Variants in WDR35 observed in about 807,000 individuals in gnomAD.
WDR35 encodes the protein WD repeat-containing protein 35.
In WDR35, 118 loss-of-function variants were observed where a neutral mutation model predicts 158.3. That is an observed-to-expected ratio of 0.75 (90% confidence interval 0.64 to 0.87). The LOEUF is 0.87. WDR35 is among the 40% of genes least tolerant of loss of function. WDR35 has a pLI of 0.00. For missense variants in WDR35, 1,263 were observed against 1,405.8 expected (o/e 0.90, Z 1.62); for synonymous variants, 448 against 476.1 (o/e 0.94, Z 0.77).
chr2:19,922,651 G>A (rs542311536), intron 25 of WDR35, among the ~76,000 whole-genome samples: 5 of 152,168 alleles, frequency 3.3e-5, no homozygotes, highest in East Asian at 1.9e-4. Context: ...AACCACCAAC[G>A]CATGTGTATA....
chr2:19,920,713 T>C (rs994068063), intron 25 of WDR35, among the ~76,000 whole-genome samples: 3 of 152,152 alleles, frequency 2.0e-5, no homozygotes, highest in African/African-American at 7.2e-5. Flanking sequence ...CAACACAGTA[T>C]TGGAAGTTCT....
chr2:19,926,050 A>G (rs1043198108), intron 25 of WDR35, among the ~76,000 whole-genome samples: 1 of 152,186 alleles, frequency 6.6e-6, no homozygotes, highest in Non-Finnish European at 1.5e-5. Context: ...TAGCTCCAAC[A>G]TTTTCCCCTT....
chr2:19,978,530 C>T (rs1672280952), intron 5 of WDR35, among the ~76,000 whole-genome samples: 2 of 151,918 alleles, frequency 1.3e-5, no homozygotes, highest in Admixed American at 1.3e-4. Flanking sequence ...TTTTTCAATG[C>T]CACTGTAGGA....
rs755845768 is a variant in WDR35 at position 19,975,538 on chromosome 2, T to G, written c.562A>C (p.Asn188His). 3 of 1,613,002 alleles carry G rather than the reference T, an allele frequency of 1.9e-6. No individual in the cohort carries two copies. Among genetic ancestry groups the G allele is most frequent in the Non-Finnish European group, 1.7e-6 (2 of 1,179,346 alleles). Residue 188 changes from asparagine (N) to histidine (H), a missense_variant, in exon 6 of 27, where the codon AAT (asparagine) becomes CAT (histidine). Transcript: ENST00000281405. ...GEIHIYDNQG[N>H]FMIKMKLSCL... ...TGCATACACTTACTTACCATAAAAT[T>G]TCCTTGATTATCGTAAATGTGTATT...
chr2:19,968,228 T>C (rs567104327), intron 9 of WDR35, among the ~76,000 whole-genome samples: 2 of 152,350 alleles, frequency 1.3e-5, no homozygotes, highest in African/African-American at 2.4e-5. Context: ...CCTAATGATG[T>C]TAACCTTTAT....
chr2:19,978,195 G>GAC (rs3039208), intron 5 of WDR35, among the ~76,000 whole-genome samples: 4,272 of 146,770 alleles, frequency 0.029, 130 homozygotes, highest in African/African-American at 0.076. Context: ...CACACACACA[G>GAC]ACACACACAC....
chr2:19,919,323 G>A (rs1319930418), intron 25 of WDR35, among the ~76,000 whole-genome samples: 3 of 143,964 alleles, frequency 2.1e-5, no homozygotes, highest in African/African-American at 7.9e-5. Context: ...GGAGCTTGCA[G>A]TGAGCTGAGA....
At chr2:19,962,187 T>G in intron 10 of WDR35, 1 of 1,169,598 alleles carries the variant, frequency 8.5e-7, no homozygotes, top group East Asian at 2.4e-5. Context: ...CATTTTTCCA[T>G]GAACCTTCTG....
intron 7 of WDR35, 118 bp from the exon 8 acceptor site, chr2:19,973,826 G>A (rs1461203659): frequency 4.9e-6 from 7 of 1,415,628 alleles, no homozygotes; most frequent in Non-Finnish European, 6.8e-6. Flanking sequence ...AAAAAAACAG[G>A]GCTGGGTACA....
At chr2:19,946,987 G>A (rs1375664109) in intron 14 of WDR35, among the ~76,000 whole-genome samples, 2 of 152,176 alleles carry the variant, frequency 1.3e-5, no homozygotes, top group African/African-American at 2.4e-5. Flanking sequence ...TGATATAGCT[G>A]TTACTGAAGG....
chr2:19,948,038 A>G, intron 14 of WDR35, 126 bp downstream of exon 14: 7 of 731,654 alleles, frequency 9.6e-6, no homozygotes, highest in East Asian at 5.7e-5. Flanking sequence ...CCTGGCCTCA[A>G]GCAATCCTCC....
intron 5 of WDR35, 73 bp from the exon 6 acceptor site, chr2:19,975,736 T>G: frequency 6.3e-7 from 1 of 1,591,400 alleles, no homozygotes; most frequent in Non-Finnish European, 8.6e-7. Flanking sequence ...TCTTTGTTTT[T>G]CTAAAGATCT....
At chr2:19,950,441 G>A (rs924290267) in intron 13 of WDR35, among the ~76,000 whole-genome samples, 5 of 152,122 alleles carry the variant, frequency 3.3e-5, no homozygotes, top group Admixed American at 1.3e-4. Context: ...ACTCAGCTAC[G>A]AAAGGAGGAA....
chr2:19,958,988 C>T (rs573850221), intron 11 of WDR35, among the ~76,000 whole-genome samples: 13 of 152,108 alleles, frequency 8.5e-5, no homozygotes, highest in African/African-American at 2.9e-4. Context: ...CACTCACAGA[C>T]TTTTTTTATT....
At position 19,912,463 on chromosome 2, in the gene WDR35, A is replaced by G. The variant is rs942556320; in HGVS notation, c.*1095T>C. ...CTCTTCTCATAGCTCACTATTCCCA[A>G]TCTGCAACATGCTGAACTTGTCTCT... On this transcript the variant is annotated 3_prime_UTR_variant, in exon 27 of 27. Transcript: ENST00000281405. 1.3e-5 allele frequency: 2 copies of G among 152,176 alleles called. No individual in the cohort carries two copies. Among genetic ancestry groups the G allele is most frequent in the South Asian group, 2.1e-4 (1 of 4,830 alleles). The allele number at this position is 152,176 out of a possible 1,614,324, so 9.4% of individuals were successfully genotyped here.
intron 25 of WDR35, among the ~76,000 whole-genome samples, chr2:19,929,435 A>G (rs945471094): frequency 2.0e-5 from 3 of 152,204 alleles, no homozygotes; most frequent in African/African-American, 7.2e-5. Context: ...AATATGACAG[A>G]GGAAGGGTGG....
intron 16 of WDR35, among the ~76,000 whole-genome samples, chr2:19,944,384 C>T (rs1352785425): frequency 2.0e-5 from 3 of 152,134 alleles, no homozygotes; most frequent in African/African-American, 4.8e-5. Context: ...ACCAGACTGA[C>T]CATGTGTGCT....
At position 19,922,512 on chromosome 2, in the gene WDR35, C is replaced by T. The variant is rs535201685; in HGVS notation, c.3121+7884G>A. Among the ~76,000 whole-genome samples the T allele has an allele frequency of 5.6e-5, 8 of 142,608 alleles. No individual in the cohort carries two copies. The South Asian group carries it at 1.5e-3, about 27-fold the overall frequency. The allele number at this position is 142,608 out of a possible 152,430, so 93.6% of individuals were successfully genotyped here. A position where few individuals can be genotyped will look rare whatever the true frequency, so the allele number is the denominator to read the frequency against. On this transcript the variant is annotated intron_variant, in intron 25 of 26. Coordinates refer to ENST00000281405, the MANE Select transcript of WDR35 (RefSeq NM_020779.4). ...CAGGTTCTCATTCATAAGTGGGAGT[C>T]GAACAATGAGAACACATGGACACAG... is the stretch of plus-strand genomic sequence containing the variant.
intron 25 of WDR35, among the ~76,000 whole-genome samples, chr2:19,918,043 C>G (rs1016906930): frequency 6.6e-6 from 1 of 152,204 alleles, no homozygotes; most frequent in South Asian, 2.1e-4. Context: ...CAGCAGATCT[C>G]TCGGCAGAAA....
Sources: allele counts gnomAD v4.1 joint callset (sites outside exome capture counted in the v4.1 genomes callset), GRCh38; gene constraint gnomAD v4.1.1; transcripts MANE v1.5; gene names NCBI Gene and HGNC (gene_info 2026-07-23, HGNC 2026-07-21).